CCDC6: variants seen among roughly 807,000 people sequenced by gnomAD.
The protein encoded by CCDC6 is coiled-coil domain containing 6, also known as coiled-coil domain-containing protein 6.
Under a neutral mutation model 56.6 loss-of-function variants are expected in CCDC6, and 20 were observed. That is an observed-to-expected ratio of 0.35 (90% CI 0.25 to 0.51). The LOEUF is 0.51. Ranked by LOEUF, CCDC6 falls within the 20% of genes least tolerant of loss-of-function variation. CCDC6 has a pLI of 0.95. For missense variants in CCDC6, 367 were observed against 601.1 expected, an observed-to-expected ratio of 0.61 and a Z score of 4.07; for synonymous variants, 241 against 234.4, an observed-to-expected ratio of 1.03 and a Z score of -0.26.
chr10:59,889,154 GCT>G (rs1486327933), intron 1 of CCDC6, among the ~76,000 whole-genome samples: 1 of 152,188 alleles, frequency 6.6e-6, no homozygotes, highest in Non-Finnish European at 1.5e-5. Flanking sequence ...CATGGTACAT[GCT>G]CTGTGTCAGA....
intron 3 of CCDC6, among the ~76,000 whole-genome samples, chr10:59,822,786 C>T (rs1396400513): frequency 6.6e-6 from 1 of 152,028 alleles, no homozygotes; most frequent in Non-Finnish European, 1.5e-5. Flanking sequence ...CATCCTCAAG[C>T]CAAAAAGCCT....
At chr10:59,830,161 G>A (rs925890391) in intron 3 of CCDC6, among the ~76,000 whole-genome samples, 2 of 152,204 alleles carry the variant, frequency 1.3e-5, no homozygotes, top group African/African-American at 4.8e-5. Context: ...TAAAAGCATT[G>A]ACTGTCAGTA....
intron 1 of CCDC6, among the ~76,000 whole-genome samples, chr10:59,881,605 G>A (rs897706234): frequency 1.3e-5 from 2 of 152,146 alleles, no homozygotes; most frequent in Non-Finnish European, 2.9e-5. Context: ...GAGGAGGCAT[G>A]GATGGCCAGA....
intron 3 of CCDC6, among the ~76,000 whole-genome samples, chr10:59,827,309 C>A: frequency 6.6e-6 from 1 of 152,128 alleles, no homozygotes; most frequent in African/African-American, 2.4e-5. Flanking sequence ...AAAATCAGTG[C>A]AAAGCATGTA....
chr10:59,807,061 G>A lies in CCDC6; in HGVS notation c.865C>T (p.Gln289Ter). Residue 289 changes from glutamine (Q) to a stop codon, truncating the protein, a stop_gained, in exon 6 of 9, where the codon CAG (glutamine) becomes TAG (stop). Transcript: ENST00000263102. LOFTEE classifies it high-confidence loss of function. ...ATGTGACGTTCCTCCTCCAGATACT[G>A]TGCCATTTTCTCTGAATCTGAAAAG... ...AQLQHSEKMA[Q>*]YLEEERHMRE... 6.2e-7 allele frequency: 1 copy of A among 1,613,414 alleles called. No homozygotes were observed. Among genetic ancestry groups the A allele is most frequent in the African/African-American group, 1.3e-5 (1 of 74,920 alleles).
chr10:59,790,380 T>C lies in CCDC6; in HGVS notation c.*2537A>G, dbSNP rs1227697568. On this transcript the variant is annotated 3_prime_UTR_variant, in exon 9 of 9. Coordinates refer to ENST00000263102, the MANE Select transcript of CCDC6 (RefSeq NM_005436.5). ...GTGGGTAACAGAATGGCAGGAACCA[T>C]GTTCAGCCCCCATGAGAAGTGCCCG... The C allele has an allele frequency of 4.6e-6, 1 of 217,280 alleles. No homozygotes were observed. The highest frequency in any genetic ancestry group is 9.3e-6 in the Non-Finnish European group (1 of 107,960). 13.5% of individuals were successfully genotyped at this position (217,280 alleles called of 1,614,324 possible).
At chr10:59,899,752 C>T (rs1289423556) in intron 1 of CCDC6, among the ~76,000 whole-genome samples, 1 of 152,214 alleles carries the variant, frequency 6.6e-6, no homozygotes, top group Non-Finnish European at 1.5e-5. Context: ...CCAAGCCCTG[C>T]TCAGAAACAC....
chr10:59,803,995 G>A (rs1280602675), intron 7 of CCDC6, among the ~76,000 whole-genome samples: 1 of 152,148 alleles, frequency 6.6e-6, no homozygotes, highest in South Asian at 2.1e-4. Context: ...GGAAAATGAT[G>A]ACTACATTAA....
chr10:59,789,136 T>TG lies in CCDC6; in HGVS notation c.*3780_*3781insC, dbSNP rs2070444970. 1 of 229,294 alleles carries TG rather than the reference T, an allele frequency of 4.4e-6. No individual in the cohort carries two copies. The highest frequency in any genetic ancestry group is 8.7e-6 in the Non-Finnish European group (1 of 115,484). 14.2% of individuals were successfully genotyped at this position (229,294 alleles called of 1,614,324 possible). On this transcript the variant is annotated 3_prime_UTR_variant, in exon 9 of 9. Coordinates refer to ENST00000263102, the MANE Select transcript of CCDC6 (RefSeq NM_005436.5). ...ATACTCTTCTGGAGGAATGCATTCT[T>TG]AAACTGTTGTGCCTGCAACTTTGTT...
At chr10:59,869,895 C>CA (rs1471130507) in intron 1 of CCDC6, among the ~76,000 whole-genome samples, 1 of 152,154 alleles carries the variant, frequency 6.6e-6, no homozygotes, top group Non-Finnish European at 1.5e-5. Flanking sequence ...ACACATGCCA[C>CA]ACTCATGATC....
chr10:59,809,213 AG>A (rs1341923095), intron 5 of CCDC6, among the ~76,000 whole-genome samples: 1 of 152,196 alleles, frequency 6.6e-6, no homozygotes, highest in East Asian at 1.9e-4. Context: ...TTTCCATAAT[AG>A]GACTCTTATA....
intron 3 of CCDC6, among the ~76,000 whole-genome samples, chr10:59,826,663 G>A (rs1164130392): frequency 6.6e-6 from 1 of 152,206 alleles, no homozygotes; most frequent in African/African-American, 2.4e-5. Flanking sequence ...TGCCATACAA[G>A]GGCATCAACA....
At chr10:59,851,724 A>G (rs1484071030) in intron 2 of CCDC6, among the ~76,000 whole-genome samples, 2 of 152,202 alleles carry the variant, frequency 1.3e-5, no homozygotes, top group Non-Finnish European at 2.9e-5. Context: ...TGATGATGTT[A>G]AAACATATGG....
intron 8 of CCDC6, 75 bp downstream of exon 8, chr10:59,794,398 G>A (rs918695659): frequency 6.0e-6 from 9 of 1,494,888 alleles, no homozygotes; most frequent in Middle Eastern, 1.8e-4. Context: ...TAAGGGCACC[G>A]ATCCTGTTCT....
intron 1 of CCDC6, among the ~76,000 whole-genome samples, chr10:59,876,419 C>T (rs1359170488): frequency 1.3e-5 from 2 of 151,896 alleles, no homozygotes; most frequent in Non-Finnish European, 2.9e-5. Context: ...GATTATTTGC[C>T]GTCACCATTC....
intron 2 of CCDC6, among the ~76,000 whole-genome samples, chr10:59,852,152 T>C (rs1008602045): frequency 2.0e-5 from 3 of 152,188 alleles, no homozygotes; most frequent in Non-Finnish European, 4.4e-5. Context: ...TTTCACTTCA[T>C]ATCCTCATAT....
intron 1 of CCDC6, among the ~76,000 whole-genome samples, chr10:59,855,139 T>C (rs1384867040): frequency 6.6e-6 from 1 of 152,218 alleles, no homozygotes; most frequent in Non-Finnish European, 1.5e-5. Context: ...ACTAAGAGAT[T>C]ATTCTTGTGA....
intron 3 of CCDC6, among the ~76,000 whole-genome samples, chr10:59,820,393 A>T (rs1452808694): frequency 6.6e-6 from 1 of 152,202 alleles, no homozygotes; most frequent in Non-Finnish European, 1.5e-5. Flanking sequence ...ACTATGGGAA[A>T]ATCTGTTTTG....
At chr10:59,879,562 T>C (rs1267189211) in intron 1 of CCDC6, among the ~76,000 whole-genome samples, 1 of 145,304 alleles carries the variant, frequency 6.9e-6, no homozygotes, top group Non-Finnish European at 1.5e-5. Flanking sequence ...ACAAGATCAC[T>C]GTGAAACCCA....
Sources: gnomAD v4.1 joint callset for allele counts (sites outside exome capture counted in the v4.1 genomes callset) on GRCh38, gnomAD v4.1.1 for gene constraint, MANE v1.5 for transcripts, NCBI Gene and HGNC (gene_info 2026-07-23, HGNC 2026-07-21) for gene names.